The following CNTNAP5 variants were observed in gnomAD, a reference collection of about 807,000 sequenced individuals.
CNTNAP5 encodes the protein contactin-associated protein-like 5.
In CNTNAP5, 72 loss-of-function variants were observed where a neutral mutation model predicts 150.2. That is an observed-to-expected ratio of 0.48 (90% CI 0.40 to 0.58). The LOEUF (loss-of-function observed/expected upper bound fraction) is 0.58. Among genes scored for constraint, CNTNAP5 ranks in the 20% least tolerant of loss-of-function variants. The pLI is 0.00. For synonymous variants in CNTNAP5, 672 were observed against 619.8 expected (o/e 1.08, Z -1.25); for missense variants, 1,636 against 1,626.2 (o/e 1.01, Z -0.10).
At chr2:124,406,684 T>A (rs529494941) in intron 3 of CNTNAP5, among the ~76,000 whole-genome samples, 35 of 152,360 alleles carry the variant, frequency 2.3e-4, no homozygotes, top group African/African-American at 8.4e-4. Flanking sequence ...GCATTTATCA[T>A]TTATTTGTAT....
intron 20 of CNTNAP5, among the ~76,000 whole-genome samples, chr2:124,865,939 A>G (rs533547985): frequency 6.7e-6 from 1 of 149,558 alleles, no homozygotes; most frequent in African/African-American, 2.5e-5. Flanking sequence ...GCAAGACTTC[A>G]TTAAAAAAAA....
At chr2:124,726,267 T>C (rs1424635768) in intron 13 of CNTNAP5, among the ~76,000 whole-genome samples, 1 of 152,144 alleles carries the variant, frequency 6.6e-6, no homozygotes, top group Non-Finnish European at 1.5e-5. Flanking sequence ...TCTCAAGTTG[T>C]AATCCCCGTG....
At chr2:124,099,577 G>A (rs937006902) in intron 1 of CNTNAP5, among the ~76,000 whole-genome samples, 14 of 152,124 alleles carry the variant, frequency 9.2e-5, no homozygotes, top group Non-Finnish European at 1.2e-4. Context: ...TTATCGAGCC[G>A]TATGTACTAG....
chr2:124,337,207 G>A (rs867476820), intron 3 of CNTNAP5, among the ~76,000 whole-genome samples: 1 of 151,990 alleles, frequency 6.6e-6, no homozygotes, highest in East Asian at 1.9e-4. Flanking sequence ...TCGCCCACTT[G>A]TTGATGGGGT....
intron 1 of CNTNAP5, among the ~76,000 whole-genome samples, chr2:124,216,393 A>T (rs1170604): frequency 0.25 from 37,930 of 151,870 alleles, 4,959 homozygotes; most frequent in East Asian, 0.35. Flanking sequence ...TCTTTTTTTT[A>T]AAATTATTAT....
rs1677708852 is a variant in CNTNAP5 at position 124,869,835 on chromosome 2, G to A, written c.3436+73G>A. ...ATGAATGCATAATTTTCATTAGGGT[G>A]TTTAAGGATTCAGGTCTGGAGCCTT... On this transcript the variant is annotated intron_variant, in intron 21 of 23. Coordinates refer to ENST00000682447, the MANE Select transcript of CNTNAP5 (RefSeq NM_001367498.1). 27 of 911,516 alleles carry A rather than the reference G, an allele frequency of 3.0e-5. No individual in the cohort carries two copies. The South Asian group carries it at 3.9e-4, about 13-fold the overall frequency. 56.5% of individuals were successfully genotyped at this position (911,516 alleles called of 1,614,324 possible). A position where few individuals can be genotyped will look rare whatever the true frequency, so the allele number is the denominator to read the frequency against.
intron 2 of CNTNAP5, among the ~76,000 whole-genome samples, chr2:124,234,826 C>T (rs1047342012): frequency 6.6e-6 from 1 of 152,114 alleles, no homozygotes; most frequent in Non-Finnish European, 1.5e-5. Context: ...GAGTACTGAG[C>T]GTCTTTCAAA....
intron 19 of CNTNAP5, among the ~76,000 whole-genome samples, chr2:124,812,815 G>A (rs1682266077): frequency 6.6e-6 from 1 of 152,110 alleles, no homozygotes; most frequent in African/African-American, 2.4e-5. Context: ...AAACCAAGTT[G>A]CACCCCAATC....
At chr2:124,897,936 A>AGT (rs56154943) in intron 21 of CNTNAP5, among the ~76,000 whole-genome samples, 2,680 of 142,080 alleles carry the variant, frequency 0.019, 76 homozygotes, top group East Asian at 0.11. Context: ...GCAAATGCCA[A>AGT]GTGTGTGTGT....
chr2:124,661,808 A>G (rs927999749), intron 13 of CNTNAP5, among the ~76,000 whole-genome samples: 1 of 152,120 alleles, frequency 6.6e-6, no homozygotes, highest in Non-Finnish European at 1.5e-5. Context: ...TGGGCAATAC[A>G]AATTTTTTAG....
At chr2:124,410,614 T>A (rs887893641) in intron 3 of CNTNAP5, among the ~76,000 whole-genome samples, 8 of 148,838 alleles carry the variant, frequency 5.4e-5, no homozygotes, top group African/African-American at 2.0e-4. Context: ...CTGAACAACC[T>A]GCTCCTGAAT....
At chr2:124,195,447 C>G (rs912179482) in intron 1 of CNTNAP5, among the ~76,000 whole-genome samples, 1 of 152,224 alleles carries the variant, frequency 6.6e-6, no homozygotes, top group Admixed American at 6.5e-5. Flanking sequence ...ATACTCAACA[C>G]TGTCCCACAG....
At chr2:124,164,026 T>C (rs1373851374) in intron 1 of CNTNAP5, among the ~76,000 whole-genome samples, 1 of 152,192 alleles carries the variant, frequency 6.6e-6, no homozygotes, top group Non-Finnish European at 1.5e-5. Flanking sequence ...GTATTTGTTC[T>C]TAGTGGATTT....
chr2:124,776,483 T>C (rs1384490131), intron 17 of CNTNAP5, among the ~76,000 whole-genome samples: 1 of 152,178 alleles, frequency 6.6e-6, no homozygotes, highest in Non-Finnish European at 1.5e-5. Context: ...TCAAACTCAG[T>C]GAGGTCAAGG....
intron 1 of CNTNAP5, among the ~76,000 whole-genome samples, chr2:124,102,720 C>G (rs1040319108): frequency 2.6e-5 from 4 of 152,158 alleles, no homozygotes; most frequent in African/African-American, 9.7e-5. Context: ...ACCCACCTCC[C>G]GTTCCTGTGG....
At chr2:124,546,774 T>C (rs1316433981) in intron 10 of CNTNAP5, among the ~76,000 whole-genome samples, 2 of 152,202 alleles carry the variant, frequency 1.3e-5, no homozygotes, top group African/African-American at 4.8e-5. Flanking sequence ...CTTGTGCTTT[T>C]GATTTGTACA....
intron 2 of CNTNAP5, among the ~76,000 whole-genome samples, chr2:124,235,203 T>C (rs550850518): frequency 6.6e-6 from 1 of 152,276 alleles, no homozygotes; most frequent in Non-Finnish European, 1.5e-5. Flanking sequence ...TGTATCAATC[T>C]GACACTCGCT....
At chr2:124,783,225 T>C (rs1238037550) in intron 17 of CNTNAP5, among the ~76,000 whole-genome samples, 4 of 152,182 alleles carry the variant, frequency 2.6e-5, no homozygotes, top group African/African-American at 7.2e-5. Flanking sequence ...TATATTCCTG[T>C]GCACTTTTGC....
At chr2:124,892,858 G>A (rs147359392) in intron 21 of CNTNAP5, among the ~76,000 whole-genome samples, 106 of 152,214 alleles carry the variant, frequency 7.0e-4, no homozygotes, top group African/African-American at 2.5e-3. Flanking sequence ...TTGCATGAAG[G>A]CGTTGAAGAC....
Sources: allele counts gnomAD v4.1 joint callset (sites outside exome capture counted in the v4.1 genomes callset), GRCh38; gene constraint gnomAD v4.1.1; transcripts MANE v1.5; gene names NCBI Gene and HGNC (gene_info 2026-07-23, HGNC 2026-07-21).